RIMS1: variants seen among roughly 807,000 people sequenced by gnomAD.
The protein encoded by RIMS1 is regulating synaptic membrane exocytosis protein 1.
Under a neutral mutation model 214.1 loss-of-function variants are expected in RIMS1, and 83 were observed. The ratio of observed to expected loss-of-function variants is 0.39; its 90% confidence interval spans 0.32 to 0.47. The LOEUF is 0.47. Ranked by LOEUF, RIMS1 falls within the 20% of genes least tolerant of loss-of-function variation. The pLI is 0.99. For synonymous variants in RIMS1, 793 were observed against 786.8 expected (o/e 1.01, Z -0.13); for missense variants, 2,050 against 2,161.8 (o/e 0.95, Z 1.03).
intron 2 of RIMS1, among the ~76,000 whole-genome samples, chr6:72,001,280 C>T (rs909681222): frequency 5.3e-4 from 80 of 152,154 alleles, no homozygotes; most frequent in South Asian, 1.9e-3. Flanking sequence ...TCTTACACAT[C>T]GATATATTTT....
chr6:71,940,039 G>C (rs536075572), intron 1 of RIMS1, among the ~76,000 whole-genome samples: 89 of 152,276 alleles, frequency 5.8e-4, no homozygotes, highest in African/African-American at 1.9e-3. Context: ...TCACCTCACT[G>C]TGTTGCTATG....
intron 2 of RIMS1, among the ~76,000 whole-genome samples, chr6:71,993,523 G>T (rs1802508756): frequency 6.6e-6 from 1 of 152,182 alleles, no homozygotes; most frequent in Admixed American, 6.5e-5. Flanking sequence ...TAAATGGGAA[G>T]ACTTCCTTGG....
chr6:71,928,302 T>A (rs1782118006), intron 1 of RIMS1, among the ~76,000 whole-genome samples: 4 of 152,174 alleles, frequency 2.6e-5, no homozygotes, highest in Admixed American at 2.6e-4. Flanking sequence ...TTATTCAGAA[T>A]GTGTAGAATG....
intron 23 of RIMS1, among the ~76,000 whole-genome samples, chr6:72,280,192 A>T (rs551648849): frequency 1.4e-4 from 21 of 151,994 alleles, no homozygotes; most frequent in Non-Finnish European, 2.8e-4. Flanking sequence ...TTATTGAGCA[A>T]CTACCATATG....
chr6:72,302,690 GT>G (rs947706141), intron 26 of RIMS1, among the ~76,000 whole-genome samples: 1 of 151,530 alleles, frequency 6.6e-6, no homozygotes, highest in African/African-American at 2.4e-5. Flanking sequence ...AGAGATGCTA[GT>G]TTTTTCATTC....
intron 24 of RIMS1, among the ~76,000 whole-genome samples, chr6:72,288,411 C>G (rs2092772285): frequency 6.6e-6 from 1 of 151,928 alleles, no homozygotes; most frequent in African/African-American, 2.4e-5. Context: ...AATAGATGAC[C>G]CTATATTGAT....
chr6:71,931,092 A>C (rs1782895317), intron 1 of RIMS1, among the ~76,000 whole-genome samples: 1 of 152,074 alleles, frequency 6.6e-6, no homozygotes, highest in South Asian at 2.1e-4. Flanking sequence ...ACCGAATTCA[A>C]ATACATTGAC....
At chr6:72,157,561 A>C (rs2044607641) in intron 4 of RIMS1, among the ~76,000 whole-genome samples, 1 of 140,246 alleles carries the variant, frequency 7.1e-6, no homozygotes, top group African/African-American at 2.5e-5. Context: ...CATCAAGTCT[A>C]CTTTGTGTGA....
intron 2 of RIMS1, among the ~76,000 whole-genome samples, chr6:72,090,237 G>T (rs368332446): frequency 6.6e-6 from 1 of 152,016 alleles, no homozygotes; most frequent in Non-Finnish European, 1.5e-5. Flanking sequence ...AAATTCCTAG[G>T]CTCAAGTGAT....
At chr6:71,992,943 G>A (rs1199988407) in intron 2 of RIMS1, among the ~76,000 whole-genome samples, 2 of 152,184 alleles carry the variant, frequency 1.3e-5, no homozygotes, top group Admixed American at 1.3e-4. Context: ...TTACAGGTGT[G>A]AGCCACCATG....
At chr6:71,916,074 G>T (rs920252475) in intron 1 of RIMS1, among the ~76,000 whole-genome samples, 12 of 152,064 alleles carry the variant, frequency 7.9e-5, no homozygotes, top group African/African-American at 2.4e-4. Context: ...TGAGATTTGG[G>T]TGGGGACACA....
chr6:71,961,728 G>T (rs1793003642), intron 1 of RIMS1, among the ~76,000 whole-genome samples: 1 of 151,022 alleles, frequency 6.6e-6, no homozygotes. Flanking sequence ...TCAGTGGATA[G>T]GTTTTGTTTT....
At chr6:72,005,210 G>A (rs898129267) in intron 2 of RIMS1, among the ~76,000 whole-genome samples, 22 of 152,170 alleles carry the variant, frequency 1.4e-4, no homozygotes, top group African/African-American at 5.3e-4. Flanking sequence ...TGAGGGCTCT[G>A]TTCTGTTCCA....
At chr6:72,171,718 T>C (rs190517929) in intron 4 of RIMS1, among the ~76,000 whole-genome samples, 125 of 152,242 alleles carry the variant, frequency 8.2e-4, no homozygotes, top group Middle Eastern at 3.4e-3. Context: ...CTAGGCAGTT[T>C]AACTCTAGAA....
chr6:72,171,378 A>C (rs1425084185), intron 4 of RIMS1, among the ~76,000 whole-genome samples: 1 of 151,146 alleles, frequency 6.6e-6, no homozygotes, highest in Non-Finnish European at 1.5e-5. Flanking sequence ...ATATGTGTAT[A>C]TATATATGCA....
chr6:72,067,768 T>C (rs1210855724), intron 2 of RIMS1, among the ~76,000 whole-genome samples: 1 of 152,234 alleles, frequency 6.6e-6, no homozygotes, highest in African/African-American at 2.4e-5. Context: ...ACTTAACATA[T>C]ATTGCCTGGA....
At chr6:72,360,933 GTT>G (rs771244884) in intron 29 of RIMS1, among the ~76,000 whole-genome samples, 1 of 141,242 alleles carries the variant, frequency 7.1e-6, no homozygotes, top group Admixed American at 7.1e-5. Context: ...TAAGTGGTAG[GTT>G]TTTTTTTTTT....
At chr6:71,922,117 T>A (rs1780188015) in intron 1 of RIMS1, among the ~76,000 whole-genome samples, 2 of 152,322 alleles carry the variant, frequency 1.3e-5, no homozygotes, top group South Asian at 2.1e-4. Context: ...GTTTTTACAT[T>A]TCTTAGTTCT....
chr6:72,235,360 A>G (rs1444966790), intron 7 of RIMS1, among the ~76,000 whole-genome samples: 1 of 151,752 alleles, frequency 6.6e-6, no homozygotes, highest in Non-Finnish European at 1.5e-5. Context: ...CCTTCTCCCT[A>G]CCTTCCCAGC....
Sources: gnomAD v4.1 joint callset for allele counts (sites outside exome capture counted in the v4.1 genomes callset) on GRCh38, gnomAD v4.1.1 for gene constraint, MANE v1.5 for transcripts, NCBI Gene and HGNC (gene_info 2026-07-23, HGNC 2026-07-21) for gene names.